Variants in SMAD3 observed in about 807,000 individuals in gnomAD.
The protein encoded by SMAD3 is SMAD family member 3.
Under a neutral mutation model 51.8 loss-of-function variants are expected in SMAD3, and 12 were observed. That is an observed-to-expected ratio of 0.23 (90% CI 0.15 to 0.38). The LOEUF (loss-of-function observed/expected upper bound fraction) is 0.38, where lower values mean the gene tolerates loss of function less well. SMAD3 is among the 10% of genes least tolerant of loss of function. SMAD3 has a pLI of 1.00. For synonymous variants in SMAD3, 238 were observed against 227.7 expected (o/e 1.05, Z -0.41); for missense variants, 294 against 565.6 (o/e 0.52, Z 4.87).
intron 1 of SMAD3, among the ~76,000 whole-genome samples, chr15:67,146,597 T>C (rs1029483821): frequency 5.9e-5 from 9 of 152,156 alleles, no homozygotes; most frequent in Admixed American, 6.5e-5. Flanking sequence ...CAGACACTTA[T>C]ATGGAATCTC....
At chr15:67,114,314 C>G (rs1251064073) in intron 1 of SMAD3, among the ~76,000 whole-genome samples, 2 of 152,136 alleles carry the variant, frequency 1.3e-5, no homozygotes, top group Non-Finnish European at 1.5e-5. Flanking sequence ...CAAAACTGAA[C>G]AGCTTCTCAT....
chr15:67,157,316 T>C (rs1169025454), intron 1 of SMAD3, among the ~76,000 whole-genome samples: 2 of 152,246 alleles, frequency 1.3e-5, no homozygotes, highest in African/African-American at 4.8e-5. Flanking sequence ...ATGCTGTGAT[T>C]GATGAATGGT....
At chr15:67,075,249 T>C (rs1960143291) in intron 1 of SMAD3, among the ~76,000 whole-genome samples, 1 of 152,200 alleles carries the variant, frequency 6.6e-6, no homozygotes, top group Admixed American at 6.5e-5. Context: ...GGTTTTTCCT[T>C]TTGCTTCAAA....
In SMAD3 at chr15:67,183,060, G is replaced by T. The variant is rs1392238069; in HGVS notation, c.871+1607G>T. 2.8e-5 allele frequency among the ~76,000 whole-genome samples: 3 copies of T among 108,598 alleles called. No homozygotes were observed. In the South Asian group the frequency reaches 9.5e-4, roughly 34 times the overall value. The allele number at this position is 108,598 out of a possible 152,430, so 71.2% of individuals were successfully genotyped here. A position where few individuals can be genotyped will look rare whatever the true frequency, so the allele number is the denominator to read the frequency against. ...TTTTTTTTTTTTTTTTTGGAGCGGG[G>T]AGACCAAGTCTCGCTCTTGTCTCCC... On this transcript the variant is annotated intron_variant, in intron 6 of 8. Coordinates refer to ENST00000327367, the MANE Select transcript of SMAD3 (RefSeq NM_005902.4).
Position 67,194,080 on chromosome 15 carries a change from G to C in SMAD3, c.*3544G>C. 4.3e-6 allele frequency: 1 copy of C among 233,412 alleles called. No individual in the cohort carries two copies. 14.5% of individuals were successfully genotyped at this position (233,412 alleles called of 1,614,324 possible). A position where few individuals can be genotyped will look rare whatever the true frequency, so the allele number is the denominator to read the frequency against. On this transcript the variant is annotated 3_prime_UTR_variant, in exon 9 of 9. Coordinates refer to ENST00000327367, the MANE Select transcript of SMAD3 (RefSeq NM_005902.4). ...ACCAAGGGGGATACCAGCAGCAAGA[G>C]AGTGCACCCGTTTAGCCCTGGACCC...
rs1555408269 is a variant in SMAD3 at position 67,113,076 on chromosome 15, G to GTA, written c.206+46734_206+46735dup. Reference sequence around the variant, plus strand: ...CAACTTTTAAAATATATATATATGTGTATATATATATATATATATTTTTTT... The same window carrying GTA: ...CAACTTTTAAAATATATATATATGTGTATATATATATATATATATATTTTTTT... On this transcript the variant is annotated intron_variant, in intron 1 of 8. Transcript: ENST00000327367. 1.1e-4 allele frequency among the ~76,000 whole-genome samples: 4 copies of GTA among 34,972 alleles called. 1 individual carries two copies. The highest frequency in any genetic ancestry group is 4.1e-4 in the African/African-American group (4 of 9,830). The allele number at this position is 34,972 out of a possible 152,430, so 22.9% of individuals were successfully genotyped here. A position where few individuals can be genotyped will look rare whatever the true frequency, so the allele number is the denominator to read the frequency against.
chr15:67,178,993 A>C (rs564367774), intron 5 of SMAD3, among the ~76,000 whole-genome samples: 4 of 152,340 alleles, frequency 2.6e-5, no homozygotes, highest in African/African-American at 9.6e-5. Context: ...GCTATTTTCA[A>C]GTTCACAGAA....
intron 1 of SMAD3, among the ~76,000 whole-genome samples, chr15:67,139,053 T>C (rs1961747147): frequency 1.3e-5 from 2 of 152,198 alleles, no homozygotes; most frequent in Non-Finnish European, 2.9e-5. Context: ...GATTGTGCCT[T>C]ATATTAGCTC....
intron 1 of SMAD3, among the ~76,000 whole-genome samples, chr15:67,089,461 A>T (rs1222035325): frequency 6.6e-6 from 1 of 152,114 alleles, no homozygotes; most frequent in Non-Finnish European, 1.5e-5. Flanking sequence ...CTGGGTGGAG[A>T]CATGGCAAGG....
rs1959891946 is a variant in SMAD3, at chr15:67,065,649, C to T, written c.-506C>T. 2.0e-5 allele frequency among the ~76,000 whole-genome samples: 3 copies of T among 151,330 alleles called. No homozygotes were observed. Among genetic ancestry groups the T allele is most frequent in the Admixed American group, 2.0e-4 (3 of 15,238 alleles). The stretch of plus-strand genomic sequence containing the variant: ...GGGAGCGGGAGCGCGGCGCACGCCC[C>T]GGGCCGGCCCAGCCAGCGAGCGAGC... On this transcript the variant is annotated 5_prime_UTR_variant, in exon 1 of 9. Coordinates refer to ENST00000327367, the MANE Select transcript of SMAD3 (RefSeq NM_005902.4).
At chr15:67,068,018 A>G (rs1566957046) in intron 1 of SMAD3, among the ~76,000 whole-genome samples, 1 of 152,180 alleles carries the variant, frequency 6.6e-6, no homozygotes, top group African/African-American at 2.4e-5. Flanking sequence ...GAAACAGAAG[A>G]AAAAAAGTGG....
At chr15:67,073,009 G>A (rs1960089989) in intron 1 of SMAD3, among the ~76,000 whole-genome samples, 1 of 152,230 alleles carries the variant, frequency 6.6e-6, no homozygotes, top group Non-Finnish European at 1.5e-5. Flanking sequence ...GGCAGATACT[G>A]TCCCTGGTGC....
At chr15:67,175,771 C>T (rs1354469578) in intron 5 of SMAD3, among the ~76,000 whole-genome samples, 1 of 152,224 alleles carries the variant, frequency 6.6e-6, no homozygotes, top group Admixed American at 6.5e-5. Context: ...GGCAGGGCGG[C>T]CCGAAGACCA....
intron 1 of SMAD3, among the ~76,000 whole-genome samples, chr15:67,083,065 C>T (rs1385992822): frequency 6.6e-6 from 1 of 152,212 alleles, no homozygotes; most frequent in Non-Finnish European, 1.5e-5. Flanking sequence ...GAGCATGGGC[C>T]TGGAACCAAC....
intron 1 of SMAD3, among the ~76,000 whole-genome samples, chr15:67,073,079 C>T (rs1201477907): frequency 1.3e-5 from 2 of 152,152 alleles, no homozygotes; most frequent in Admixed American, 6.5e-5. Flanking sequence ...TGTAAGAATG[C>T]TGTATGTGTT....
intron 1 of SMAD3, among the ~76,000 whole-genome samples, chr15:67,092,773 T>A (rs181787028): frequency 2.2e-3 from 337 of 152,282 alleles, no homozygotes; most frequent in African/African-American, 7.8e-3. Context: ...TCTTAATGGG[T>A]TTCTTCTTTC....
intron 1 of SMAD3, among the ~76,000 whole-genome samples, chr15:67,123,188 CAAAAAAAA>C (rs34458678): frequency 1.1e-5 from 1 of 93,794 alleles, no homozygotes; most frequent in Non-Finnish European, 2.1e-5. Flanking sequence ...GACCCTGTCT[CAAAAAAAA>C]AAAAAAAAAA....
chr15:67,068,017 G>GA (rs1284427352), intron 1 of SMAD3, among the ~76,000 whole-genome samples: 1 of 151,928 alleles, frequency 6.6e-6, no homozygotes, highest in Non-Finnish European at 1.5e-5. Context: ...TGAAACAGAA[G>GA]AAAAAAAGTG....
rs1178366002 is a variant in SMAD3 at position 67,194,685 on chromosome 15, G to C, written c.*4149G>C. ...AGCCAGTTCTGAATGTTGGTGGAGG[G>C]TGTAGTGGCTTTTTGGCTCAGCATC... On this transcript the variant is annotated 3_prime_UTR_variant, in exon 9 of 9. Coordinates refer to ENST00000327367, the MANE Select transcript of SMAD3 (RefSeq NM_005902.4). 4 of 232,098 alleles carry C rather than the reference G, an allele frequency of 1.7e-5. No individual in the cohort carries two copies. Among genetic ancestry groups the C allele is most frequent in the Non-Finnish European group, 3.4e-5 (4 of 117,188 alleles). The allele number at this position is 232,098 out of a possible 1,614,324, so 14.4% of individuals were successfully genotyped here. A position where few individuals can be genotyped will look rare whatever the true frequency, so the allele number is the denominator to read the frequency against.
Sources: allele counts gnomAD v4.1 joint callset (sites outside exome capture counted in the v4.1 genomes callset), GRCh38; gene constraint gnomAD v4.1.1; transcripts MANE v1.5; gene names NCBI Gene and HGNC (gene_info 2026-07-23, HGNC 2026-07-21).